IKZF1: variants seen among roughly 807,000 people sequenced by gnomAD.
The protein encoded by IKZF1 is IKAROS family zinc finger 1.
IKZF1 carries 10 observed loss-of-function variants against 51.7 expected under a neutral mutation model. The ratio of observed to expected loss-of-function variants is 0.19; its 90% CI spans 0.12 to 0.33. The LOEUF (loss-of-function observed/expected upper bound fraction) is 0.33, where lower values mean the gene tolerates loss of function less well. Among genes scored for constraint, IKZF1 ranks in the 10% least tolerant of loss-of-function variants. The probability of loss-of-function intolerance (pLI) is 1.00; values close to 1 mark genes in which losing one functional copy is unlikely to be tolerated. For synonymous variants in IKZF1, 280 were observed against 282.3 expected (o/e 0.99, Z 0.08); for missense variants, 484 against 707.5 (o/e 0.68, Z 3.58).
At chr7:50,313,414 G>T (rs544348956) in intron 1 of IKZF1, among the ~76,000 whole-genome samples, 2 of 152,178 alleles carry the variant, frequency 1.3e-5, no homozygotes, top group African/African-American at 4.8e-5. Flanking sequence ...CATACATTTG[G>T]CCAAATAACC....
At position 50,404,125 on chromosome 7, in the gene IKZF1, A is replaced by G. The variant is rs1457892442; in HGVS notation, c.*3498A>G. The G allele has an allele frequency of 4.6e-6, 1 of 215,252 alleles. No individual in the cohort carries two copies. Among genetic ancestry groups the G allele is most frequent in the African/African-American group, 2.3e-5 (1 of 44,362 alleles). 13.3% of individuals were successfully genotyped at this position (215,252 alleles called of 1,614,324 possible). On this transcript the variant is annotated 3_prime_UTR_variant, in exon 8 of 8. Coordinates refer to ENST00000331340, the MANE Select transcript of IKZF1 (RefSeq NM_006060.6). ...ACTCACTGTGAACATGTGTAACCAC[A>G]TATTAATATGCAATATTGTTTCCAA...
intron 3 of IKZF1, among the ~76,000 whole-genome samples, chr7:50,373,508 C>T (rs540269238): frequency 1.3e-5 from 2 of 152,278 alleles, no homozygotes; most frequent in Admixed American, 6.5e-5. Context: ...GCCTGTTCTG[C>T]GTGGTGTCCT....
intron 4 of IKZF1, among the ~76,000 whole-genome samples, chr7:50,377,674 T>A (rs1259454292): frequency 6.6e-6 from 1 of 152,234 alleles, no homozygotes; most frequent in East Asian, 1.9e-4. Flanking sequence ...TGCTGGAGTG[T>A]CTTAGAAGTA....
At chr7:50,374,391 T>C (rs527843891) in intron 3 of IKZF1, among the ~76,000 whole-genome samples, 1 of 152,326 alleles carries the variant, frequency 6.6e-6, no homozygotes, top group South Asian at 2.1e-4. Flanking sequence ...AAGAGATGAC[T>C]GTAAGTGGTT....
chr7:50,335,618 ATGTGTATGGGATGTGTGG>A (rs1257388585), intron 3 of IKZF1, among the ~76,000 whole-genome samples: 1 of 128,928 alleles, frequency 7.8e-6, no homozygotes, highest in Middle Eastern at 6.2e-3. Flanking sequence ...TGTGTGTTAT[ATGTGTATGGGATGTGTGG>A]TGTGTATGGG....
intron 4 of IKZF1, among the ~76,000 whole-genome samples, chr7:50,381,073 A>C (rs747330967): frequency 6.6e-6 from 1 of 152,216 alleles, no homozygotes; most frequent in Non-Finnish European, 1.5e-5. Flanking sequence ...ACATCACTGT[A>C]AATTAGTTTC....
rs987562411 is a variant in IKZF1 at position 50,402,564 on chromosome 7, A to C, written c.*1937A>C. On this transcript the variant is annotated 3_prime_UTR_variant, in exon 8 of 8. Coordinates refer to ENST00000331340, the MANE Select transcript of IKZF1 (RefSeq NM_006060.6). ...TGTCTGGGAAGCCCTCCAAGAAAAA[A>C]AATAGAAAAGCACTTGAAGAATATT... 1 of 232,470 alleles carries C rather than the reference A, an allele frequency of 4.3e-6. No homozygotes were observed. The highest frequency in any genetic ancestry group is 8.5e-6 in the Non-Finnish European group (1 of 117,464). 14.4% of individuals were successfully genotyped at this position (232,470 alleles called of 1,614,324 possible).
At chr7:50,320,317 G>T in intron 2 of IKZF1, among the ~76,000 whole-genome samples, 1 of 151,964 alleles carries the variant, frequency 6.6e-6, no homozygotes, top group Non-Finnish European at 1.5e-5. Flanking sequence ...AAATAATTGT[G>T]TACATAGACA....
chr7:50,379,207 G>A (rs1156821001), intron 4 of IKZF1, among the ~76,000 whole-genome samples: 2 of 152,238 alleles, frequency 1.3e-5, no homozygotes, highest in South Asian at 2.1e-4. Flanking sequence ...GCTGAGCAGT[G>A]ACAGTGAACA....
At position 50,382,546 on chromosome 7, in the gene IKZF1, G is replaced by C. The variant is rs2153477325; in HGVS notation, c.428G>C (p.Arg143Pro). The change falls in exon 5 of 8, where the codon CGG becomes CCG. Residue 143 changes from arginine to proline, a missense_variant. Transcript: ENST00000331340. ...TCTCCTCTCTCCGTCCCAGGAGAAC[G>C]GCCCTTCCAGTGCAATCAGTGCGGG... is the stretch of plus-strand genomic sequence containing the variant. ...MVHKRSHTGE[R>P]PFQCNQCGAS... The C allele has an allele frequency of 6.2e-7, 1 of 1,612,114 alleles. No individual in the cohort carries two copies. The highest frequency in any genetic ancestry group is 8.5e-7 in the Non-Finnish European group (1 of 1,178,626).
chr7:50,400,922 C>T lies in IKZF1; in HGVS notation c.*295C>T, dbSNP rs1818010525. The T allele has an allele frequency of 2.1e-6, 1 of 478,686 alleles. No homozygotes were observed. Among genetic ancestry groups the T allele is most frequent in the Non-Finnish European group, 3.7e-6 (1 of 268,382 alleles). The allele number at this position is 478,686 out of a possible 1,614,324, so 29.7% of individuals were successfully genotyped here. A position where few individuals can be genotyped will look rare whatever the true frequency, so the allele number is the denominator to read the frequency against. On this transcript the variant is annotated 3_prime_UTR_variant, in exon 8 of 8. Coordinates refer to ENST00000331340, the MANE Select transcript of IKZF1 (RefSeq NM_006060.6). The surrounding 1 kb of genome is among the most constrained non-coding windows in gnomAD (Gnocchi z 5.4). ...CCCTCACCTGTCGCTTCCTAGAATC[C>T]CCTTCTCCAAACGATTAGTCTAAAT...
chr7:50,331,440 A>AC (rs1245087600), intron 3 of IKZF1, among the ~76,000 whole-genome samples: 3 of 131,162 alleles, frequency 2.3e-5, no homozygotes, highest in South Asian at 5.0e-4. Flanking sequence ...AAAAGATGCA[A>AC]AAAAAAAAAA....
rs150711167 is a variant in IKZF1, at chr7:50,312,174, G to A, written c.-14-6874G>A. On this transcript the variant is annotated intron_variant, in intron 1 of 7. Coordinates refer to ENST00000331340, the MANE Select transcript of IKZF1 (RefSeq NM_006060.6). ...TAACTTAAGTGATGAAGTGTGAAAC[G>A]CCATTTATATTTGAGGAAGCTACCT... is the stretch of plus-strand genomic sequence containing the variant. Among the ~76,000 whole-genome samples the A allele has an allele frequency of 1.4e-3, 214 of 152,224 alleles. 1 individual carries two copies. Among genetic ancestry groups the A allele is most frequent in the African/African-American group, 5.0e-3 (208 of 41,518 alleles).
At chr7:50,317,483 T>C (rs981694837) in intron 1 of IKZF1, among the ~76,000 whole-genome samples, 8 of 152,206 alleles carry the variant, frequency 5.3e-5, no homozygotes, top group African/African-American at 1.9e-4. Context: ...TATTGCTTTT[T>C]GGAAATGCTT....
At chr7:50,378,975 G>C (rs984787552) in intron 4 of IKZF1, among the ~76,000 whole-genome samples, 2 of 152,214 alleles carry the variant, frequency 1.3e-5, no homozygotes, top group African/African-American at 4.8e-5. Flanking sequence ...ATTTTCCTGG[G>C]ATCTGAGTGG....
chr7:50,347,006 C>T (rs1800549332), intron 3 of IKZF1, among the ~76,000 whole-genome samples: 1 of 152,192 alleles, frequency 6.6e-6, no homozygotes, highest in Non-Finnish European at 1.5e-5. Flanking sequence ...TCAGGAACAG[C>T]CCTGAAGACA....
At position 50,327,740 on chromosome 7, in the gene IKZF1, A is replaced by G; in HGVS notation, c.143A>G (p.Lys48Arg). The G allele has an allele frequency of 6.2e-7, 1 of 1,612,904 alleles. No individual in the cohort carries two copies. The highest frequency in any genetic ancestry group is 1.6e-4 in the Middle Eastern group (1 of 6,062). Residue 48 changes from lysine to arginine, a missense_variant, in exon 3 of 8, where the codon AAG (lysine) becomes AGG (arginine). Lys to Arg is a conservative substitution (Grantham distance 26). Transcript: ENST00000331340. ...STTSGGQQSS[K>R]SDRVVASNVK... ...ACCTCGGGAGGACAGCAAAGCTCCA[A>G]GAGTGACAGAGTCGTGGGTAAGTGG...
intron 1 of IKZF1, among the ~76,000 whole-genome samples, chr7:50,310,693 GAGCTCCCT>G: frequency 6.6e-6 from 1 of 152,206 alleles, no homozygotes; most frequent in East Asian, 1.9e-4. Flanking sequence ...AGCCAGCGCT[GAGCTCCCT>G]ATTGCAGAAC....
chr7:50,381,462 A>G (rs1050402993), intron 4 of IKZF1, among the ~76,000 whole-genome samples: 2 of 152,274 alleles, frequency 1.3e-5, no homozygotes, highest in African/African-American at 2.4e-5. Context: ...AGTGAGAGTT[A>G]AATGAAATGT....
Sources: gnomAD v4.1 joint callset for allele counts (sites outside exome capture counted in the v4.1 genomes callset) on GRCh38, gnomAD v4.1.1 for gene constraint, Gnocchi (gnomAD v3.1) non-coding constraint, MANE v1.5 for transcripts, NCBI Gene and HGNC (gene_info 2026-07-23, HGNC 2026-07-21) for gene names.